The following CNTN6 variants were observed in gnomAD, a reference collection of about 807,000 sequenced individuals.
The protein encoded by CNTN6 is contactin 6.
Under a neutral mutation model 122.8 loss-of-function variants are expected in CNTN6, and 137 were observed. That is an observed-to-expected ratio of 1.12 (90% confidence interval 0.97 to 1.29). The LOEUF is 1.29. CNTN6 is among the 50% of genes most tolerant of loss of function. CNTN6 has a pLI of 0.00. For missense variants in CNTN6, 1,634 were observed against 1,223.4 expected, an observed-to-expected ratio of 1.34 and a Z score of -5.01; for synonymous variants, 570 against 426.0, an observed-to-expected ratio of 1.34 and a Z score of -4.16.
At chr3:1,191,379 ATAAT>A (rs746514672) in intron 2 of CNTN6, among the ~76,000 whole-genome samples, 17 of 152,128 alleles carry the variant, frequency 1.1e-4, no homozygotes, top group Non-Finnish European at 1.2e-4. Flanking sequence ...GATTAGGTTA[ATAAT>A]TAATAATGTC....
chr3:1,280,572 C>G (rs376774047), intron 5 of CNTN6, among the ~76,000 whole-genome samples: 9 of 145,130 alleles, frequency 6.2e-5, no homozygotes, highest in African/African-American at 1.8e-4. Flanking sequence ...TCAAGCGATT[C>G]TCCTACCTCA....
chr3:1,160,307 C>G (rs766394520), intron 2 of CNTN6, among the ~76,000 whole-genome samples: 164 of 142,958 alleles, frequency 1.1e-3, no homozygotes, highest in Non-Finnish European at 1.7e-3. Flanking sequence ...GAAGGGTAGC[C>G]ATTATCTGAC....
At chr3:1,322,974 A>G (rs1233501268) in intron 8 of CNTN6, among the ~76,000 whole-genome samples, 2 of 151,830 alleles carry the variant, frequency 1.3e-5, no homozygotes, top group Non-Finnish European at 3.0e-5. Flanking sequence ...GTTTTAGTAG[A>G]ATGAAGATAT....
intron 2 of CNTN6, among the ~76,000 whole-genome samples, chr3:1,170,870 T>C (rs2093346629): frequency 6.6e-6 from 1 of 152,190 alleles, no homozygotes; most frequent in Admixed American, 6.5e-5. Context: ...TTAGCATCTA[T>C]CTCTTTACCT....
At chr3:1,233,269 T>G (rs2094375873) in intron 4 of CNTN6, among the ~76,000 whole-genome samples, 1 of 152,078 alleles carries the variant, frequency 6.6e-6, no homozygotes, top group Non-Finnish European at 1.5e-5. Flanking sequence ...AAATATATTA[T>G]GTGGAAAGCA....
chr3:1,353,111 T>TC, intron 12 of CNTN6, among the ~76,000 whole-genome samples: 1 of 151,826 alleles, frequency 6.6e-6, no homozygotes, highest in Non-Finnish European at 1.5e-5. Flanking sequence ...AAGTATCTAT[T>TC]CCCTTTCCTT....
chr3:1,348,293 C>A (rs1162963145), intron 11 of CNTN6, among the ~76,000 whole-genome samples: 2 of 151,566 alleles, frequency 1.3e-5, no homozygotes, highest in Non-Finnish European at 2.9e-5. Flanking sequence ...CTGCTAATTA[C>A]ACCATAATTG....
intron 1 of CNTN6, among the ~76,000 whole-genome samples, chr3:1,134,487 C>A (rs746549423): frequency 1.3e-5 from 2 of 152,090 alleles, no homozygotes; most frequent in Non-Finnish European, 2.9e-5. Flanking sequence ...CTGACATAAT[C>A]CCCTCCACAC....
At chr3:1,358,136 A>G (rs967047782) in intron 12 of CNTN6, among the ~76,000 whole-genome samples, 1 of 151,958 alleles carries the variant, frequency 6.6e-6, no homozygotes, top group African/African-American at 2.4e-5. Context: ...TTCATACAGT[A>G]TAAACCACTA....
At chr3:1,165,046 C>G (rs1328477810) in intron 2 of CNTN6, among the ~76,000 whole-genome samples, 1 of 152,128 alleles carries the variant, frequency 6.6e-6, no homozygotes, top group African/African-American at 2.4e-5. Context: ...TAGTGCTTTA[C>G]AGAATATAGG....
chr3:1,233,391 G>A (rs1483367362), intron 4 of CNTN6, among the ~76,000 whole-genome samples: 1 of 151,570 alleles, frequency 6.6e-6, no homozygotes, highest in African/African-American at 2.4e-5. Context: ...CTTATCCTAA[G>A]AGCAATGGAA....
chr3:1,289,500 C>T (rs1352997847), intron 5 of CNTN6, among the ~76,000 whole-genome samples: 2 of 152,062 alleles, frequency 1.3e-5, no homozygotes, highest in Admixed American at 6.6e-5. Flanking sequence ...TCCTTGCCAT[C>T]CCAGACGTTT....
intron 12 of CNTN6, among the ~76,000 whole-genome samples, chr3:1,367,816 C>A (rs563591141): frequency 4.4e-4 from 67 of 152,206 alleles, no homozygotes; most frequent in Non-Finnish European, 7.4e-5. Flanking sequence ...GTGGTAGCAG[C>A]CATAGAAACG....
chr3:1,279,730 C>G (rs570566086), intron 5 of CNTN6, among the ~76,000 whole-genome samples: 1 of 152,162 alleles, frequency 6.6e-6, no homozygotes, highest in Non-Finnish European at 1.5e-5. Context: ...AAGCAATTTA[C>G]TTTTAATGTT....
chr3:1,269,216 C>T (rs1167634070), intron 4 of CNTN6, among the ~76,000 whole-genome samples: 1 of 152,144 alleles, frequency 6.6e-6, no homozygotes, highest in African/African-American at 2.4e-5. Context: ...ACTAAATAAT[C>T]TGCCCTAAAT....
intron 4 of CNTN6, among the ~76,000 whole-genome samples, chr3:1,233,213 T>C (rs2094375023): frequency 6.6e-6 from 1 of 152,168 alleles, no homozygotes; most frequent in Admixed American, 6.5e-5. Flanking sequence ...TAATTTATGG[T>C]TAAATGCCAG....
At chr3:1,395,784 A>C (rs957350862) in intron 20 of CNTN6, among the ~76,000 whole-genome samples, 1 of 152,166 alleles carries the variant, frequency 6.6e-6, no homozygotes, top group Non-Finnish European at 1.5e-5. Context: ...GAGCACTTCT[A>C]TGTCCCCAGC....
At chr3:1,370,912 AAAT>A (rs1443750038) in intron 12 of CNTN6, among the ~76,000 whole-genome samples, 2 of 152,086 alleles carry the variant, frequency 1.3e-5, no homozygotes, top group Non-Finnish European at 2.9e-5. Flanking sequence ...AAAGTATTTT[AAAT>A]AATAAAAAAT....
chr3:1,302,855 G>GTT (rs1275145198), intron 7 of CNTN6, among the ~76,000 whole-genome samples: 2 of 151,634 alleles, frequency 1.3e-5, no homozygotes, highest in Non-Finnish European at 2.9e-5. Context: ...TTATTTGTTT[G>GTT]TTTTTTTCTC....
Sources: allele counts gnomAD v4.1 joint callset (sites outside exome capture counted in the v4.1 genomes callset), GRCh38; gene constraint gnomAD v4.1.1; transcripts MANE v1.5; gene names NCBI Gene and HGNC (gene_info 2026-07-23, HGNC 2026-07-21).